Variants in SERTAD2 observed in about 807,000 individuals in gnomAD.
The protein encoded by SERTAD2 is SERTA domain containing 2.
In SERTAD2, 2 loss-of-function variants were observed where a neutral mutation model predicts 15.4. The ratio of observed to expected loss-of-function variants is 0.13; its 90% CI spans 0.05 to 0.41. The LOEUF is 0.41. SERTAD2 is among the 10% of genes least tolerant of loss of function. SERTAD2 has a pLI of 0.99. For missense variants in SERTAD2, 333 were observed against 409.7 expected, an observed-to-expected ratio of 0.81 and a Z score of 1.62; for synonymous variants, 180 against 178.0, an observed-to-expected ratio of 1.01 and a Z score of -0.09.
In SERTAD2 at chr2:64,643,427, G is replaced by A. The variant is rs562250070; in HGVS notation, c.-4-6552C>T. Among the ~76,000 whole-genome samples, 262 of 152,304 alleles carry A rather than the reference G, an allele frequency of 1.7e-3. 2 individuals are homozygous for A. Among genetic ancestry groups the A allele is most frequent in the African/African-American group, 6.2e-3 (257 of 41,564 alleles). On this transcript the variant is annotated intron_variant, in intron 1 of 1. Coordinates refer to ENST00000313349, the MANE Select transcript of SERTAD2 (RefSeq NM_014755.3). ...CTCACCTGGGTGGAGAGCACAGCTG[G>A]GGCCTGCCTCATGATGAGTCACCGG...
At position 64,641,036 on chromosome 2, in the gene SERTAD2, T is replaced by A. The variant is rs7591336; in HGVS notation, c.-4-4161A>T. On this transcript the variant is annotated intron_variant, in intron 1 of 1. Coordinates refer to ENST00000313349, the MANE Select transcript of SERTAD2 (RefSeq NM_014755.3). ...TTCTAAACATTAATTTTAACTGCTA[T>A]TAACTGCAGCAAACTAAGTTTCAAA... Among the ~76,000 whole-genome samples, 1,048 of 152,308 alleles carry A rather than the reference T, an allele frequency of 6.9e-3. 13 individuals carry two copies. Among genetic ancestry groups the A allele is most frequent in the African/African-American group, 0.022 (927 of 41,548 alleles).
chr2:64,644,283 A>C (rs968832368), intron 1 of SERTAD2, among the ~76,000 whole-genome samples: 51 of 152,376 alleles, frequency 3.3e-4, no homozygotes, highest in African/African-American at 1.1e-3. Flanking sequence ...AAAGAGGCTC[A>C]AAGTAGGGCC....
chr2:64,636,375 T>C lies in SERTAD2; in HGVS notation c.497A>G (p.Lys166Arg). 2 of 1,614,190 alleles carry C rather than the reference T, an allele frequency of 1.2e-6. No homozygotes were observed. The highest frequency in any genetic ancestry group is 4.5e-5 in the East Asian group (2 of 44,882). Reference protein sequence around the residue: ...KLSPPALLPEKDSFSSALDEI... With the variant: ...KLSPPALLPERDSFSSALDEI... ...GTCCAAGGCAGAGGAGAAACTGTCC[T>C]TTTCTGGCAAGAGGGCTGGAGGTGA... The change falls in exon 2 of 2, where the codon AAG becomes AGG. Residue 166 changes from lysine to arginine, a missense_variant. Transcript: ENST00000313349.
chr2:64,641,682 T>G (rs1674781401), intron 1 of SERTAD2, among the ~76,000 whole-genome samples: 1 of 152,138 alleles, frequency 6.6e-6, no homozygotes, highest in Admixed American at 6.5e-5. Context: ...GTGAACTGTG[T>G]CTGGGAGGGA....
At chr2:64,645,917 C>G (rs1342549082) in intron 1 of SERTAD2, among the ~76,000 whole-genome samples, 1 of 149,796 alleles carries the variant, frequency 6.7e-6, no homozygotes, top group Non-Finnish European at 1.5e-5. Context: ...TCTAAGGATT[C>G]TGGCTAAAAG....
rs1044835719 is a variant in SERTAD2, at chr2:64,633,783, G to T, written c.*2144C>A. 3 of 152,198 alleles carry T rather than the reference G, an allele frequency of 2.0e-5. No homozygotes were observed. The highest frequency in any genetic ancestry group is 2.0e-4 in the Admixed American group (3 of 15,280). 9.4% of individuals were successfully genotyped at this position (152,198 alleles called of 1,614,324 possible). A position where few individuals can be genotyped will look rare whatever the true frequency, so the allele number is the denominator to read the frequency against. Reference sequence around the variant, plus strand: ...GTCTGCGTGGAGGTTGCTTGTAGGAGAACAAGTGCAATTTGATCAGTTTCT... The same window carrying T: ...GTCTGCGTGGAGGTTGCTTGTAGGATAACAAGTGCAATTTGATCAGTTTCT... On this transcript the variant is annotated 3_prime_UTR_variant, in exon 2 of 2. Transcript: ENST00000313349.
intron 1 of SERTAD2, among the ~76,000 whole-genome samples, chr2:64,645,257 C>T (rs1674875617): frequency 1.3e-5 from 2 of 152,336 alleles, no homozygotes; most frequent in South Asian, 4.1e-4. Context: ...CCGGGCTCTC[C>T]CGCTGCGCAC....
chr2:64,637,483 T>G (rs1446925706), intron 1 of SERTAD2, among the ~76,000 whole-genome samples: 1 of 152,216 alleles, frequency 6.6e-6, no homozygotes. Flanking sequence ...ACTGCACCTG[T>G]GTTAAATGAC....
intron 1 of SERTAD2, among the ~76,000 whole-genome samples, chr2:64,650,206 T>C (rs1400950832): frequency 2.0e-5 from 3 of 152,204 alleles, no homozygotes; most frequent in African/African-American, 4.8e-5. Context: ...GCTGTCTATA[T>C]GTGGTGCTTG....
intron 1 of SERTAD2, among the ~76,000 whole-genome samples, chr2:64,652,746 T>C (rs1178795785): frequency 6.6e-6 from 1 of 152,146 alleles, no homozygotes; most frequent in African/African-American, 2.4e-5. Context: ...AAGCAAAAAG[T>C]TATTCCAATG....
chr2:64,635,881 G>T lies in SERTAD2; in HGVS notation c.*46C>A. On this transcript the variant is annotated 3_prime_UTR_variant, in exon 2 of 2. Transcript: ENST00000313349. The stretch of plus-strand genomic sequence containing the variant: ...GTGTGGAGAACTGTCAGGGTTATGG[G>T]AACGCTCTGGGGTCTGGGTGGGCAT... 6.9e-7 allele frequency: 1 copy of T among 1,443,276 alleles called. No homozygotes were observed. Among genetic ancestry groups the T allele is most frequent in the South Asian group, 1.2e-5 (1 of 85,602 alleles). 89.4% of individuals were successfully genotyped at this position (1,443,276 alleles called of 1,614,324 possible).
At chr2:64,638,916 G>A (rs917312667) in intron 1 of SERTAD2, among the ~76,000 whole-genome samples, 5 of 152,138 alleles carry the variant, frequency 3.3e-5, no homozygotes, top group Admixed American at 6.5e-5. Flanking sequence ...GAGTGGAGGT[G>A]GTTTCATCTC....
Sources: gnomAD v4.1 joint callset for allele counts (sites outside exome capture counted in the v4.1 genomes callset) on GRCh38, gnomAD v4.1.1 for gene constraint, MANE v1.5 for transcripts, NCBI Gene and HGNC (gene_info 2026-07-23, HGNC 2026-07-21) for gene names.